LRRTM4: variants seen among roughly 807,000 people sequenced by gnomAD.
LRRTM4 encodes the protein leucine-rich repeat transmembrane neuronal protein 4.
LRRTM4 carries 25 observed loss-of-function variants against 47.6 expected under a neutral mutation model. The ratio of observed to expected loss-of-function variants is 0.53; its 90% CI spans 0.38 to 0.73. The LOEUF (loss-of-function observed/expected upper bound fraction) is 0.73, where lower values mean the gene tolerates loss of function less well. LRRTM4 is among the 30% of genes least tolerant of loss of function. The pLI, the probability that LRRTM4 is intolerant of heterozygous loss-of-function variation, is 0.00. For synonymous variants in LRRTM4, 311 were observed against 269.5 expected (o/e 1.15, Z -1.51); for missense variants, 638 against 713.4 (o/e 0.89, Z 1.20).
At chr2:76,878,642 G>A (rs543098361) in intron 3 of LRRTM4, among the ~76,000 whole-genome samples, 19 of 152,138 alleles carry the variant, frequency 1.2e-4, no homozygotes, top group Non-Finnish European at 2.4e-4. Flanking sequence ...TCCCAGGCAT[G>A]TGGATCACCT....
intron 3 of LRRTM4, among the ~76,000 whole-genome samples, chr2:77,417,544 A>C (rs1247400433): frequency 6.6e-6 from 1 of 152,176 alleles, no homozygotes; most frequent in Non-Finnish European, 1.5e-5. Flanking sequence ...CATATACACC[A>C]TGGAACACTA....
At chr2:77,363,862 T>C (rs1672332976) in intron 3 of LRRTM4, among the ~76,000 whole-genome samples, 1 of 152,148 alleles carries the variant, frequency 6.6e-6, no homozygotes, top group African/African-American at 2.4e-5. Flanking sequence ...ATTATATAAC[T>C]CTCTGAATTC....
chr2:76,887,641 T>C (rs1673120758), intron 3 of LRRTM4, among the ~76,000 whole-genome samples: 1 of 150,420 alleles, frequency 6.6e-6, no homozygotes, highest in Non-Finnish European at 1.5e-5. Flanking sequence ...ATATGATATA[T>C]ACAGTGTGTA....
intron 3 of LRRTM4, among the ~76,000 whole-genome samples, chr2:77,107,593 T>C (rs1572969097): frequency 6.6e-6 from 1 of 151,520 alleles, no homozygotes; most frequent in African/African-American, 2.4e-5. Flanking sequence ...CCGAGGTGGG[T>C]GGATCACTTG....
chr2:76,901,109 C>A (rs1016783260), intron 3 of LRRTM4, among the ~76,000 whole-genome samples: 2 of 151,946 alleles, frequency 1.3e-5, no homozygotes, highest in Non-Finnish European at 2.9e-5. Context: ...CATTGGTAAA[C>A]GTATACCATG....
intron 3 of LRRTM4, among the ~76,000 whole-genome samples, chr2:76,879,247 A>G (rs1672860955): frequency 6.6e-6 from 1 of 152,192 alleles, no homozygotes. Flanking sequence ...GGACTTTCAT[A>G]GCTAGAGAGG....
At chr2:77,035,827 T>A (rs1253807834) in intron 3 of LRRTM4, among the ~76,000 whole-genome samples, 1 of 151,796 alleles carries the variant, frequency 6.6e-6, no homozygotes, top group Non-Finnish European at 1.5e-5. Flanking sequence ...GTTCCCTAGC[T>A]ACTAAATACG....
chr2:77,089,420 T>C (rs1680850299), intron 3 of LRRTM4, among the ~76,000 whole-genome samples: 1 of 151,712 alleles, frequency 6.6e-6, no homozygotes, highest in Admixed American at 6.6e-5. Context: ...CCCAATCCCT[T>C]ATTTCCGCGC....
intron 3 of LRRTM4, among the ~76,000 whole-genome samples, chr2:77,229,548 C>T (rs981668107): frequency 2.0e-5 from 3 of 152,056 alleles, no homozygotes; most frequent in Non-Finnish European, 2.9e-5. Context: ...ATCAGAATTA[C>T]CCGGCATCCT....
At chr2:77,089,851 A>T (rs1025484378) in intron 3 of LRRTM4, among the ~76,000 whole-genome samples, 1 of 152,170 alleles carries the variant, frequency 6.6e-6, no homozygotes, top group Admixed American at 6.5e-5. Context: ...TTCTTGTCGT[A>T]AAATAGGCAA....
chr2:76,851,332 C>A (rs975540377), intron 3 of LRRTM4, among the ~76,000 whole-genome samples: 2 of 152,158 alleles, frequency 1.3e-5, no homozygotes, highest in Non-Finnish European at 2.9e-5. Flanking sequence ...AAAAGCTTAA[C>A]AACCACTTTA....
intron 3 of LRRTM4, among the ~76,000 whole-genome samples, chr2:77,474,615 A>T (rs1573463054): frequency 6.6e-6 from 1 of 152,244 alleles, no homozygotes; most frequent in East Asian, 1.9e-4. Flanking sequence ...TCTGGTACCA[A>T]ATTGTTAAAA....
At chr2:77,284,814 T>C (rs923379832) in intron 3 of LRRTM4, among the ~76,000 whole-genome samples, 3 of 152,210 alleles carry the variant, frequency 2.0e-5, no homozygotes, top group East Asian at 3.9e-4. Flanking sequence ...GGAAAGTGTA[T>C]GTTGATAATC....
At chr2:77,071,672 T>G (rs1016635685) in intron 3 of LRRTM4, among the ~76,000 whole-genome samples, 1 of 152,194 alleles carries the variant, frequency 6.6e-6, no homozygotes, top group African/African-American at 2.4e-5. Flanking sequence ...ATAAAAATTA[T>G]GAAAATGTAA....
chr2:76,795,586 C>G (rs1185462746), intron 3 of LRRTM4, among the ~76,000 whole-genome samples: 1 of 98,910 alleles, frequency 1.0e-5, no homozygotes. Flanking sequence ...TATGCACACA[C>G]ACACATACAC....
intron 3 of LRRTM4, among the ~76,000 whole-genome samples, chr2:77,036,385 A>C (rs1168521056): frequency 6.6e-6 from 1 of 151,642 alleles, no homozygotes; most frequent in Non-Finnish European, 1.5e-5. Context: ...GCTTGTCTTC[A>C]AACTCTAGAA....
chr2:77,136,805 T>C (rs909822096), intron 3 of LRRTM4, among the ~76,000 whole-genome samples: 1 of 151,798 alleles, frequency 6.6e-6, no homozygotes, highest in African/African-American at 2.4e-5. Context: ...CTGAAAACAA[T>C]GGCACACGAA....
intron 3 of LRRTM4, among the ~76,000 whole-genome samples, chr2:77,029,082 A>ATATATATATATATATATAATATATATATG (rs1678560820): frequency 6.9e-6 from 1 of 144,800 alleles, no homozygotes. Context: ...ATATATATAT[A>ATATATATATATATATATAATATATATATG]TTATATATAT....
At chr2:76,905,249 T>G (rs1055983820) in intron 3 of LRRTM4, among the ~76,000 whole-genome samples, 26 of 152,034 alleles carry the variant, frequency 1.7e-4, no homozygotes, top group African/African-American at 6.3e-4. Flanking sequence ...AGGTCTGGAG[T>G]GGACCTCTAG....
Sources: gnomAD v4.1 joint callset for allele counts (sites outside exome capture counted in the v4.1 genomes callset) on GRCh38, gnomAD v4.1.1 for gene constraint, MANE v1.5 for transcripts, NCBI Gene and HGNC (gene_info 2026-07-23, HGNC 2026-07-21) for gene names.